Variants in SIPA1L1 observed in about 807,000 individuals in gnomAD.
SIPA1L1 encodes signal induced proliferation associated 1 like 1.
A neutral mutation model predicts 162.7 loss-of-function variants in SIPA1L1; 26 were observed. The ratio of observed to expected loss-of-function variants is 0.16; its 90% CI spans 0.12 to 0.22. The LOEUF is 0.22. Among genes scored for constraint, SIPA1L1 ranks in the 10% least tolerant of loss-of-function variants. SIPA1L1 has a pLI of 1.00. For missense variants in SIPA1L1, 1,874 were observed against 2,241.0 expected (o/e 0.84, Z 3.31); for synonymous variants, 829 against 837.4 (o/e 0.99, Z 0.17).
intron 2 of SIPA1L1, among the ~76,000 whole-genome samples, chr14:71,392,322 C>G (rs528624218): frequency 6.6e-6 from 1 of 152,128 alleles, no homozygotes; most frequent in Non-Finnish European, 1.5e-5. Flanking sequence ...TGTCACCGAG[C>G]CTTGTTTGTT....
Position 71,335,541 on chromosome 14 carries a change from G to A in SIPA1L1, c.-465+14360G>A, listed in dbSNP as rs184930787. ...TGCCATCTAAGTAAGTATGGTAACC[G>A]TTGGAATACCATCTAAGTAAGCATT... On this transcript the variant is annotated intron_variant, in intron 2 of 23. Transcript: ENST00000381232. Among the ~76,000 whole-genome samples the A allele has an allele frequency of 2.4e-4, 36 of 152,260 alleles. 1 individual carries two copies. The highest frequency in any genetic ancestry group is 8.3e-4 in the South Asian group (4 of 4,826).
At chr14:71,459,986 T>C (rs2046469614) in intron 2 of SIPA1L1, among the ~76,000 whole-genome samples, 1 of 152,174 alleles carries the variant, frequency 6.6e-6, no homozygotes, top group Admixed American at 6.5e-5. Context: ...CAACTGGAAA[T>C]GTACCAATCC....
At chr14:71,402,538 A>G (rs1458920974) in intron 2 of SIPA1L1, among the ~76,000 whole-genome samples, 2 of 151,992 alleles carry the variant, frequency 1.3e-5, no homozygotes, top group African/African-American at 4.8e-5. Flanking sequence ...TAGTAGAGAT[A>G]GGGTTTCACC....
chr14:71,638,141 T>C (rs1473242929), intron 7 of SIPA1L1, among the ~76,000 whole-genome samples: 1 of 152,180 alleles, frequency 6.6e-6, no homozygotes, highest in East Asian at 1.9e-4. Context: ...TAAAGAATTA[T>C]CACCAGTTCT....
chr14:71,624,934 C>T lies in SIPA1L1; in HGVS notation c.1818+698C>T, dbSNP rs138234255. Among the ~76,000 whole-genome samples the T allele has an allele frequency of 6.7e-3, 1,026 of 152,108 alleles. 8 individuals are homozygous for T. Among genetic ancestry groups the T allele is most frequent in the African/African-American group, 0.019 (792 of 41,482 alleles). ...CTTAGAGTAATTTGAGCATATGGGC[C>T]AATTTTATAGATAATATATTTATAT... On this transcript the variant is annotated intron_variant, in intron 7 of 23. Coordinates refer to ENST00000381232, the MANE Select transcript of SIPA1L1 (RefSeq NM_001386936.1).
At chr14:71,516,087 G>A (rs1425694877) in intron 3 of SIPA1L1, among the ~76,000 whole-genome samples, 2 of 152,126 alleles carry the variant, frequency 1.3e-5, no homozygotes, top group African/African-American at 2.4e-5. Context: ...TGGTTACTAG[G>A]CCTCTAAGTG....
chr14:71,400,849 G>T (rs2041616898), intron 2 of SIPA1L1: 1 of 152,074 alleles, frequency 6.6e-6, no homozygotes, highest in South Asian at 2.1e-4. Flanking sequence ...TCCTGATTCT[G>T]TGCTTCTGTT....
At chr14:71,657,076 A>C (rs965672299) in intron 8 of SIPA1L1, among the ~76,000 whole-genome samples, 1 of 152,212 alleles carries the variant, frequency 6.6e-6, no homozygotes, top group African/African-American at 2.4e-5. Flanking sequence ...GAGGCCAGGT[A>C]TGTTGGGTCA....
chr14:71,418,777 C>T (rs1157985172), intron 2 of SIPA1L1, among the ~76,000 whole-genome samples: 3 of 152,074 alleles, frequency 2.0e-5, no homozygotes, highest in African/African-American at 7.2e-5. Context: ...TGCCTTTCCC[C>T]AAAACCATGT....
At chr14:71,447,914 A>G (rs2045536342) in intron 2 of SIPA1L1, among the ~76,000 whole-genome samples, 1 of 152,132 alleles carries the variant, frequency 6.6e-6, no homozygotes, top group African/African-American at 2.4e-5. Flanking sequence ...TATTCATTTA[A>G]TGTGCATAGT....
intron 2 of SIPA1L1, among the ~76,000 whole-genome samples, chr14:71,404,179 AC>A (rs2041881775): frequency 1.3e-5 from 2 of 152,308 alleles, no homozygotes; most frequent in South Asian, 2.1e-4. Context: ...CTTAAAAATA[AC>A]TTTGGTAACC....
intron 5 of SIPA1L1, among the ~76,000 whole-genome samples, chr14:71,610,077 G>A (rs773230326): frequency 6.6e-6 from 1 of 152,126 alleles, no homozygotes; most frequent in Admixed American, 6.5e-5. Flanking sequence ...GTAGGGGTGA[G>A]TGTAGTTAAT....
At chr14:71,686,286 G>A (rs760847194) in intron 13 of SIPA1L1, among the ~76,000 whole-genome samples, 5 of 152,162 alleles carry the variant, frequency 3.3e-5, no homozygotes, top group African/African-American at 4.8e-5. Context: ...CTCCCAAAAG[G>A]TAGTGGGTTA....
chr14:71,356,594 C>T (rs2037291830), intron 2 of SIPA1L1, among the ~76,000 whole-genome samples: 2 of 25,620 alleles, frequency 7.8e-5, no homozygotes, highest in Non-Finnish European at 1.7e-4. Flanking sequence ...AAAAGCACAC[C>T]TGTTGTCCTA....
chr14:71,652,531 TA>T (rs928832452), intron 8 of SIPA1L1, among the ~76,000 whole-genome samples: 1 of 152,202 alleles, frequency 6.6e-6, no homozygotes, highest in Non-Finnish European at 1.5e-5. Context: ...GTTATTTCTT[TA>T]TTTTTTCTGT....
intron 10 of SIPA1L1, among the ~76,000 whole-genome samples, chr14:71,667,162 T>A (rs1172369815): frequency 6.6e-6 from 1 of 152,152 alleles, no homozygotes; most frequent in Non-Finnish European, 1.5e-5. Context: ...ACCCCATGCC[T>A]ACCTCACTCC....
rs2044524044 is a variant in SIPA1L1, at chr14:71,671,644, T to C, written c.2781T>C (p.Gly927=). 1.2e-6 allele frequency: 2 copies of C among 1,613,214 alleles called. No individual in the cohort carries two copies. Among genetic ancestry groups the C allele is most frequent in the Non-Finnish European group, 1.7e-6 (2 of 1,179,560 alleles). Reference sequence around the variant, plus strand: ...AACGAGGAGAATGTGTTTCAGTGGGTAGTTTTATTAACATTGAGGAGATCA... The same window carrying C: ...AACGAGGAGAATGTGTTTCAGTGGGCAGTTTTATTAACATTGAGGAGATCA... ...FYERGECVSV[G]SFINIEEIKE... Residue 927 remains glycine, a synonymous_variant, in exon 11 of 24, where the codon GGT becomes GGC. Transcript: ENST00000381232.
At chr14:71,630,616 A>G (rs1365219333) in intron 7 of SIPA1L1, among the ~76,000 whole-genome samples, 1 of 152,182 alleles carries the variant, frequency 6.6e-6, no homozygotes, top group Non-Finnish European at 1.5e-5. Flanking sequence ...TTTCTTTCCT[A>G]TAGGATTTAT....
At chr14:71,713,004 A>G (rs981788361) in intron 17 of SIPA1L1, among the ~76,000 whole-genome samples, 4 of 152,180 alleles carry the variant, frequency 2.6e-5, no homozygotes, top group South Asian at 4.1e-4. Flanking sequence ...GTATATTTGC[A>G]TAGGCCGTGC....
Sources: allele counts gnomAD v4.1 joint callset (sites outside exome capture counted in the v4.1 genomes callset), GRCh38; gene constraint gnomAD v4.1.1; transcripts MANE v1.5; gene names NCBI Gene and HGNC (gene_info 2026-07-23, HGNC 2026-07-21).